ME1: variants seen among roughly 807,000 people sequenced by gnomAD.
The protein encoded by ME1 is NADP-dependent malic enzyme.
In ME1, 74 loss-of-function variants were observed where a neutral mutation model predicts 66.4. That is an observed-to-expected ratio of 1.11 (90% CI 0.92 to 1.35). The LOEUF is 1.35. ME1 is among the 40% of genes most tolerant of loss of function. The pLI is 0.00. For synonymous variants in ME1, 251 were observed against 235.6 expected (o/e 1.07, Z -0.60); for missense variants, 750 against 694.1 (o/e 1.08, Z -0.90).
chr6:83,282,238 T>C (rs4346833), intron 6 of ME1, among the ~76,000 whole-genome samples: 10,815 of 152,172 alleles, frequency 0.071, 472 homozygotes, highest in Admixed American at 0.098. Flanking sequence ...CAAAAGCAAT[T>C]GCAATGAAAG....
In ME1 at chr6:83,252,530, C is replaced by T. The variant is rs577874006; in HGVS notation, c.814+1099G>A. 2.7e-4 allele frequency among the ~76,000 whole-genome samples: 41 copies of T among 152,188 alleles called. No homozygotes were observed. In the South Asian group the frequency reaches 4.6e-3, roughly 17 times the overall value. On this transcript the variant is annotated intron_variant, in intron 7 of 13. Coordinates refer to ENST00000369705, the MANE Select transcript of ME1 (RefSeq NM_002395.6). Reference sequence around the variant, plus strand: ...TGCCCAGGATGGTCTCAAACTCCTACGCTCAAGCGATCTGCCTGCCTTGGC... The same window carrying T: ...TGCCCAGGATGGTCTCAAACTCCTATGCTCAAGCGATCTGCCTGCCTTGGC...
At chr6:83,381,754 T>C (rs1366301267) in intron 3 of ME1, among the ~76,000 whole-genome samples, 1 of 152,158 alleles carries the variant, frequency 6.6e-6, no homozygotes, top group Non-Finnish European at 1.5e-5. Context: ...GATCCAATAC[T>C]GCAAGTCTTC....
intron 3 of ME1, among the ~76,000 whole-genome samples, chr6:83,357,929 CTCTCTCTATATATATATATA>C (rs1398811055): frequency 3.6e-5 from 2 of 56,328 alleles, no homozygotes; most frequent in South Asian, 1.5e-3. Context: ...CTCTCTCTCT[CTCTCTCTATATATATATATA>C]TATATATATA....
intron 6 of ME1, among the ~76,000 whole-genome samples, chr6:83,286,454 C>A (rs919274036): frequency 1.3e-5 from 2 of 152,046 alleles, no homozygotes; most frequent in South Asian, 2.1e-4. Context: ...TAGTTAAAAT[C>A]ATTCTTCAAT....
intron 7 of ME1, among the ~76,000 whole-genome samples, chr6:83,252,736 C>G (rs1166989357): frequency 6.6e-6 from 1 of 152,016 alleles, no homozygotes; most frequent in African/African-American, 2.4e-5. Flanking sequence ...TGGCACTGAG[C>G]AGGTCATTTA....
At chr6:83,301,835 T>C (rs1217411619) in intron 6 of ME1, among the ~76,000 whole-genome samples, 1 of 152,166 alleles carries the variant, frequency 6.6e-6, no homozygotes, top group Non-Finnish European at 1.5e-5. Flanking sequence ...GAAACACTTA[T>C]ACACTGCTGG....
chr6:83,306,253 C>T (rs982232978), intron 6 of ME1, among the ~76,000 whole-genome samples: 1 of 151,674 alleles, frequency 6.6e-6, no homozygotes, highest in Admixed American at 6.6e-5. Context: ...AGAAACTGGG[C>T]TTAATCTTGC....
chr6:83,308,720 A>G (rs1318396423), intron 6 of ME1, among the ~76,000 whole-genome samples: 1 of 151,290 alleles, frequency 6.6e-6, no homozygotes, highest in Non-Finnish European at 1.5e-5. Context: ...ATGGCAGTGG[A>G]GGAAAAAGAA....
At chr6:83,395,025 C>T (rs1214280974) in intron 3 of ME1, among the ~76,000 whole-genome samples, 2 of 151,772 alleles carry the variant, frequency 1.3e-5, no homozygotes, top group Non-Finnish European at 2.9e-5. Flanking sequence ...TAAAAATATA[C>T]ATGTAATAGT....
chr6:83,305,541 G>T (rs1767808349), intron 6 of ME1, among the ~76,000 whole-genome samples: 1 of 151,648 alleles, frequency 6.6e-6, no homozygotes, highest in African/African-American at 2.4e-5. Context: ...AGAGGGAAAA[G>T]CAAGTGAAAA....
intron 5 of ME1, among the ~76,000 whole-genome samples, chr6:83,319,967 T>A (rs1234739920): frequency 1.3e-5 from 2 of 152,192 alleles, no homozygotes; most frequent in Non-Finnish European, 2.9e-5. Context: ...CCAAGAAACC[T>A]CATTTGCATC....
At chr6:83,225,205 CAAAAAAAA>C (rs146673365) in intron 11 of ME1, among the ~76,000 whole-genome samples, 9 of 40,498 alleles carry the variant, frequency 2.2e-4, no homozygotes, top group Admixed American at 2.6e-4. Flanking sequence ...GACTCCATCT[CAAAAAAAA>C]AAAAAAAAAA....
chr6:83,252,240 T>C (rs1438403286), intron 7 of ME1, among the ~76,000 whole-genome samples: 2 of 152,108 alleles, frequency 1.3e-5, no homozygotes, highest in Non-Finnish European at 2.9e-5. Context: ...AACTTTGAGA[T>C]ATCCAGCAGG....
intron 6 of ME1, among the ~76,000 whole-genome samples, chr6:83,279,422 T>C (rs969005612): frequency 1.3e-5 from 2 of 152,190 alleles, no homozygotes; most frequent in African/African-American, 2.4e-5. Context: ...ATATGCTAAG[T>C]GATCTAAGCA....
At chr6:83,227,980 G>T (rs975716931) in intron 10 of ME1, among the ~76,000 whole-genome samples, 4 of 152,172 alleles carry the variant, frequency 2.6e-5, no homozygotes, top group Non-Finnish European at 4.4e-5. Flanking sequence ...ATTATTGACA[G>T]AATATATTTT....
At chr6:83,324,374 C>G (rs1361217567) in intron 5 of ME1, among the ~76,000 whole-genome samples, 1 of 151,182 alleles carries the variant, frequency 6.6e-6, no homozygotes, top group Non-Finnish European at 1.5e-5. Flanking sequence ...ATGAAAAACC[C>G]TTAAAAAAAT....
At chr6:83,221,346 G>A (rs550819251) in intron 12 of ME1, among the ~76,000 whole-genome samples, 15 of 152,216 alleles carry the variant, frequency 9.9e-5, no homozygotes, top group African/African-American at 3.6e-4. Context: ...AGGATGTGGT[G>A]GTATTTAAGC....
At chr6:83,263,144 T>C (rs929525155) in intron 6 of ME1, among the ~76,000 whole-genome samples, 7 of 152,182 alleles carry the variant, frequency 4.6e-5, no homozygotes, top group Non-Finnish European at 8.8e-5. Flanking sequence ...ATCTTTTATG[T>C]TACCATTATA....
intron 3 of ME1, among the ~76,000 whole-genome samples, chr6:83,359,463 GTA>G (rs1324448390): frequency 6.6e-6 from 1 of 151,976 alleles, no homozygotes; most frequent in Non-Finnish European, 1.5e-5. Flanking sequence ...AAATAGAGTT[GTA>G]TCAGGCTGAA....
Sources: gnomAD v4.1 joint callset for allele counts (sites outside exome capture counted in the v4.1 genomes callset) on GRCh38, gnomAD v4.1.1 for gene constraint, MANE v1.5 for transcripts, NCBI Gene and HGNC (gene_info 2026-07-23, HGNC 2026-07-21) for gene names.